Variants in LRP1B observed in about 807,000 individuals in gnomAD.
The protein encoded by LRP1B is low-density lipoprotein receptor-related protein 1B.
LRP1B carries 217 observed loss-of-function variants against 556.6 expected under a neutral mutation model. That is an observed-to-expected ratio of 0.39 (90% confidence interval 0.35 to 0.44). The LOEUF (loss-of-function observed/expected upper bound fraction) is 0.44, where lower values mean the gene tolerates loss of function less well. Among genes scored for constraint, LRP1B ranks in the 20% least tolerant of loss-of-function variants. LRP1B has a pLI of 1.00. For synonymous variants in LRP1B, 2,047 were observed against 1,865.8 expected (o/e 1.10, Z -2.50); for missense variants, 5,053 against 5,620.8 (o/e 0.90, Z 3.23).
intron 3 of LRP1B, among the ~76,000 whole-genome samples, chr2:141,313,948 G>C (rs866204780): frequency 6.7e-6 from 1 of 149,478 alleles, no homozygotes; most frequent in Admixed American, 6.7e-5. Context: ...TTATGTGTCA[G>C]TTCTAAATTA....
At chr2:141,693,317 G>A (rs183731718) in intron 2 of LRP1B, among the ~76,000 whole-genome samples, 1,790 of 151,984 alleles carry the variant, frequency 0.012, 20 homozygotes, top group South Asian at 0.023. Flanking sequence ...GGCAACAACC[G>A]CAAAATGAGA....
intron 1 of LRP1B, among the ~76,000 whole-genome samples, chr2:142,069,030 C>G (rs1705215353): frequency 6.6e-6 from 1 of 151,390 alleles, no homozygotes. Flanking sequence ...CTCCCTCTCT[C>G]TGTCTCTCCT....
At chr2:140,778,043 T>A (rs1249836520) in intron 32 of LRP1B, among the ~76,000 whole-genome samples, 1 of 149,568 alleles carries the variant, frequency 6.7e-6, no homozygotes, top group Non-Finnish European at 1.5e-5. Context: ...CAGTTTTACT[T>A]AAAAATTACC....
At chr2:140,708,469 C>T (rs751630786) in intron 37 of LRP1B, among the ~76,000 whole-genome samples, 31 of 150,542 alleles carry the variant, frequency 2.1e-4, no homozygotes, top group Non-Finnish European at 2.5e-4. Flanking sequence ...ACTGGAGAAG[C>T]GGAAATTATT....
At chr2:140,818,350 C>A (rs1263236447) in intron 31 of LRP1B, among the ~76,000 whole-genome samples, 1 of 152,118 alleles carries the variant, frequency 6.6e-6, no homozygotes, top group African/African-American at 2.4e-5. Context: ...TGTGAAAGTT[C>A]TAGAAACTGA....
At chr2:140,651,416 T>C (rs1389195126) in intron 41 of LRP1B, among the ~76,000 whole-genome samples, 2 of 144,124 alleles carry the variant, frequency 1.4e-5, no homozygotes, top group Non-Finnish European at 3.0e-5. Context: ...AACGAGTTAG[T>C]GGGTGCAGCG....
At chr2:141,056,003 A>G (rs889882210) in intron 9 of LRP1B, among the ~76,000 whole-genome samples, 1 of 151,868 alleles carries the variant, frequency 6.6e-6, no homozygotes, top group Non-Finnish European at 1.5e-5. Flanking sequence ...GAATAATATA[A>G]GTAAGATTTT....
At chr2:140,727,078 A>T (rs1202144358) in intron 35 of LRP1B, among the ~76,000 whole-genome samples, 4 of 152,286 alleles carry the variant, frequency 2.6e-5, no homozygotes, top group South Asian at 2.1e-4. Flanking sequence ...TCTTTAAAAA[A>T]TTTTTATCTG....
intron 41 of LRP1B, among the ~76,000 whole-genome samples, chr2:140,640,007 T>G (rs963718943): frequency 5.3e-5 from 8 of 152,122 alleles, no homozygotes; most frequent in African/African-American, 1.9e-4. Flanking sequence ...TTTTGTTTGT[T>G]TGTTTGTTTT....
chr2:141,740,014 A>G (rs1447867345), intron 2 of LRP1B, among the ~76,000 whole-genome samples: 3 of 152,144 alleles, frequency 2.0e-5, no homozygotes, highest in Non-Finnish European at 2.9e-5. Context: ...AGATAGAATA[A>G]TAAAGAAAAA....
chr2:140,430,661 C>T (rs1685891362), intron 66 of LRP1B, among the ~76,000 whole-genome samples: 1 of 152,212 alleles, frequency 6.6e-6, no homozygotes, highest in Non-Finnish European at 1.5e-5. Context: ...GGTTCTTAGA[C>T]CAAGGAAAAT....
At chr2:140,489,049 C>T (rs1457613032) in intron 57 of LRP1B, among the ~76,000 whole-genome samples, 1 of 151,950 alleles carries the variant, frequency 6.6e-6, no homozygotes, top group Non-Finnish European at 1.5e-5. Context: ...AATGATTACT[C>T]TTCAGATATT....
chr2:140,517,368 G>C (rs1237482884), intron 49 of LRP1B, among the ~76,000 whole-genome samples: 1 of 152,046 alleles, frequency 6.6e-6, no homozygotes, highest in Admixed American at 6.6e-5. Flanking sequence ...TAAGGCCAAA[G>C]AATAATATTT....
chr2:140,493,999 A>G (rs547015085), intron 56 of LRP1B, among the ~76,000 whole-genome samples: 1 of 152,342 alleles, frequency 6.6e-6, no homozygotes, highest in East Asian at 1.9e-4. Flanking sequence ...AATTATAAAT[A>G]TAAAATTAAT....
chr2:140,927,867 C>T (rs371380881), intron 20 of LRP1B, among the ~76,000 whole-genome samples: 10 of 151,144 alleles, frequency 6.6e-5, no homozygotes, highest in Non-Finnish European at 1.0e-4. Flanking sequence ...CCATCATGCC[C>T]GGCTATTCAT....
intron 18 of LRP1B, among the ~76,000 whole-genome samples, chr2:140,980,485 G>A (rs1266721729): frequency 6.6e-6 from 1 of 152,152 alleles, no homozygotes; most frequent in Non-Finnish European, 1.5e-5. Context: ...TGGTTCTCTA[G>A]TGCTTTCTTC....
chr2:140,654,592 AG>A (rs199682437), intron 41 of LRP1B, among the ~76,000 whole-genome samples: 7,098 of 152,232 alleles, frequency 0.047, 359 homozygotes, highest in East Asian at 0.22. Flanking sequence ...CATCAGTGTG[AG>A]GCATTTTCCT....
chr2:141,640,589 T>A (rs1035856226), intron 2 of LRP1B, among the ~76,000 whole-genome samples: 1 of 152,100 alleles, frequency 6.6e-6, no homozygotes, highest in Non-Finnish European at 1.5e-5. Context: ...GCGGATCACT[T>A]GAGGTCAAGA....
chr2:140,811,984 A>G (rs1365528306), intron 32 of LRP1B, among the ~76,000 whole-genome samples: 3 of 152,068 alleles, frequency 2.0e-5, no homozygotes, highest in Admixed American at 2.0e-4. Context: ...TACACATTTA[A>G]ATTTCTCATC....
Sources: gnomAD v4.1 joint callset for allele counts (sites outside exome capture counted in the v4.1 genomes callset) on GRCh38, gnomAD v4.1.1 for gene constraint, MANE v1.5 for transcripts, NCBI Gene and HGNC (gene_info 2026-07-23, HGNC 2026-07-21) for gene names.